The following MSRA variants were observed in gnomAD, a reference collection of about 807,000 sequenced individuals.
MSRA encodes the protein mitochondrial peptide methionine sulfoxide reductase.
Under a neutral mutation model 31.3 loss-of-function variants are expected in MSRA, and 54 were observed. The observed-to-expected ratio is 1.73, with a 90% CI of 1.39 to 2.17. MSRA has a LOEUF of 2.17. Among genes scored for constraint, MSRA ranks in the 30% most tolerant of loss-of-function variants. The pLI is 0.00. For missense variants in MSRA, 507 were observed against 300.9 expected (o/e 1.69, Z -5.07); for synonymous variants, 169 against 116.5 (o/e 1.45, Z -2.90).
At chr8:10,154,257 C>A (rs1412024811) in intron 1 of MSRA, among the ~76,000 whole-genome samples, 2 of 150,220 alleles carry the variant, frequency 1.3e-5, no homozygotes, top group Admixed American at 6.6e-5. Flanking sequence ...AAAATACTTA[C>A]AGTTCTTACC....
chr8:10,407,383 A>G lies in MSRA; in HGVS notation c.544-20765A>G, dbSNP rs544669542. Among the ~76,000 whole-genome samples the G allele has an allele frequency of 5.0e-4, 76 of 152,210 alleles. 1 individual carries two copies. The highest frequency in any genetic ancestry group is 1.7e-3 in the African/African-American group (72 of 41,550). On this transcript the variant is annotated intron_variant, in intron 5 of 5. Transcript: ENST00000317173. ...GAGGGTTGTGGCAGCAGTCCAGACA[A>G]AGGTGGGTGATGGCTGAGCCTTAGA...
intron 1 of MSRA, among the ~76,000 whole-genome samples, chr8:10,191,359 C>T (rs1422800756): frequency 1.3e-5 from 2 of 152,302 alleles, no homozygotes; most frequent in East Asian, 1.9e-4. Flanking sequence ...AGGCCTTTGG[C>T]ATTAACTTAA....
rs554708845 is a variant in MSRA at position 10,150,714 on chromosome 8, G to T, written c.143-57119G>T. On this transcript the variant is annotated intron_variant, in intron 1 of 5. Transcript: ENST00000317173. ...TGACTTATATGAAAACAGCCGGCCT[G>T]TTCTGTCCCGTGTTCTGAAGCCTGT... Among the ~76,000 whole-genome samples the T allele has an allele frequency of 2.6e-5, 4 of 152,258 alleles. No individual in the cohort carries two copies. In the South Asian group the frequency reaches 6.2e-4, roughly 24 times the overall value.
intron 1 of MSRA, among the ~76,000 whole-genome samples, chr8:10,151,503 AGCCGGGCGTGTTG>A (rs1312598137): frequency 6.6e-6 from 1 of 151,708 alleles, no homozygotes; most frequent in Non-Finnish European, 1.5e-5. Flanking sequence ...ATAAAAAATT[AGCCGGGCGTGTTG>A]GCAGGTGCCT....
chr8:10,325,628 A>G (rs1469784927), intron 5 of MSRA, among the ~76,000 whole-genome samples: 1 of 152,226 alleles, frequency 6.6e-6, no homozygotes, highest in Non-Finnish European at 1.5e-5. Flanking sequence ...CAAACATTGC[A>G]AAATCAGCAA....
intron 1 of MSRA, among the ~76,000 whole-genome samples, chr8:10,157,615 G>GT (rs1804265178): frequency 6.6e-6 from 1 of 151,816 alleles, no homozygotes; most frequent in South Asian, 2.1e-4. Context: ...GTTCTCATAG[G>GT]TTTTTTACAC....
chr8:10,163,219 T>C (rs1804818667), intron 1 of MSRA, among the ~76,000 whole-genome samples: 1 of 152,174 alleles, frequency 6.6e-6, no homozygotes, highest in Admixed American at 6.5e-5. Flanking sequence ...ACTTGTGGTG[T>C]TCATAAGCCA....
At chr8:10,238,928 CTGTA>C (rs1812174908) in intron 2 of MSRA, among the ~76,000 whole-genome samples, 3 of 152,032 alleles carry the variant, frequency 2.0e-5, no homozygotes, top group Admixed American at 1.3e-4. Flanking sequence ...TTTAAAACAT[CTGTA>C]TGACAATAGA....
chr8:10,212,874 C>A (rs1223990090), intron 2 of MSRA, among the ~76,000 whole-genome samples: 4 of 152,000 alleles, frequency 2.6e-5, no homozygotes, highest in African/African-American at 9.7e-5. Flanking sequence ...ATTCTTTGAA[C>A]CCATCATTAT....
intron 1 of MSRA, among the ~76,000 whole-genome samples, chr8:10,138,334 C>T (rs1346794894): frequency 3.3e-5 from 5 of 151,976 alleles, no homozygotes; most frequent in African/African-American, 7.3e-5. Context: ...GTGTGGGAGC[C>T]GCGGGACACG....
At chr8:10,150,138 C>T (rs192847698) in intron 1 of MSRA, among the ~76,000 whole-genome samples, 5 of 151,870 alleles carry the variant, frequency 3.3e-5, no homozygotes, top group African/African-American at 4.8e-5. Flanking sequence ...CAGAGAAGTT[C>T]TAAGGGGGTA....
intron 1 of MSRA, among the ~76,000 whole-genome samples, chr8:10,154,995 A>G (rs1025927083): frequency 1.9e-5 from 2 of 103,794 alleles, no homozygotes; most frequent in Non-Finnish European, 3.7e-5. Context: ...GATAATGTGT[A>G]TATATTTTAT....
intron 5 of MSRA, among the ~76,000 whole-genome samples, chr8:10,405,373 A>T (rs1298086366): frequency 2.0e-5 from 3 of 152,196 alleles, no homozygotes; most frequent in African/African-American, 7.2e-5. Flanking sequence ...CAGCCAAGAC[A>T]GCCAGATGAG....
At chr8:10,229,583 G>C (rs1239880253) in intron 2 of MSRA, among the ~76,000 whole-genome samples, 1 of 152,190 alleles carries the variant, frequency 6.6e-6, no homozygotes, top group Non-Finnish European at 1.5e-5. Flanking sequence ...GGGGAGGGCA[G>C]AGGTGGTGCA....
chr8:10,364,331 G>T (rs942199367), intron 5 of MSRA, among the ~76,000 whole-genome samples: 6 of 152,122 alleles, frequency 3.9e-5, no homozygotes, highest in Non-Finnish European at 7.4e-5. Context: ...AGGCTCCTGG[G>T]GCGTCAAAGG....
At chr8:10,066,015 A>C (rs1303276976) in intron 1 of MSRA, among the ~76,000 whole-genome samples, 1 of 149,358 alleles carries the variant, frequency 6.7e-6, no homozygotes, top group Non-Finnish European at 1.5e-5. Context: ...ATATAACTTA[A>C]TATAATAATA....
intron 1 of MSRA, among the ~76,000 whole-genome samples, chr8:10,114,898 C>T (rs957775087): frequency 6.6e-6 from 1 of 152,118 alleles, no homozygotes; most frequent in Admixed American, 6.5e-5. Flanking sequence ...TGATTAAGTT[C>T]AACTGGAATG....
At chr8:10,074,323 C>A (rs939349227) in intron 1 of MSRA, among the ~76,000 whole-genome samples, 3 of 151,950 alleles carry the variant, frequency 2.0e-5, no homozygotes, top group African/African-American at 7.3e-5. Context: ...ACCTCGTGAT[C>A]TGCCTGCCTC....
intron 2 of MSRA, among the ~76,000 whole-genome samples, chr8:10,240,002 C>T (rs945082648): frequency 6.6e-6 from 1 of 152,158 alleles, no homozygotes; most frequent in African/African-American, 2.4e-5. Flanking sequence ...TAAAATAAAA[C>T]AGGTGGAAAC....
Sources: allele counts gnomAD v4.1 joint callset (sites outside exome capture counted in the v4.1 genomes callset), GRCh38; gene constraint gnomAD v4.1.1; transcripts MANE v1.5; gene names NCBI Gene and HGNC (gene_info 2026-07-23, HGNC 2026-07-21).